The following NOS1AP variants were observed in gnomAD, a reference collection of about 807,000 sequenced individuals.
NOS1AP encodes the protein carboxyl-terminal PDZ ligand of neuronal nitric oxide synthase protein.
NOS1AP carries 21 observed loss-of-function variants against 56.2 expected under a neutral mutation model. The observed-to-expected ratio is 0.37, with a 90% CI of 0.26 to 0.54. NOS1AP has a LOEUF of 0.54. Ranked by LOEUF, NOS1AP falls within the 20% of genes least tolerant of loss-of-function variation. The pLI is 0.84. For synonymous variants in NOS1AP, 270 were observed against 274.6 expected (o/e 0.98, Z 0.17); for missense variants, 522 against 657.8 (o/e 0.79, Z 2.26).
chr1:162,256,876 C>T (rs1654046316), intron 2 of NOS1AP, among the ~76,000 whole-genome samples: 1 of 152,096 alleles, frequency 6.6e-6, no homozygotes, highest in Non-Finnish European at 1.5e-5. Flanking sequence ...GAATGTGTCC[C>T]TCATTAAGAA....
At chr1:162,160,872 G>C (rs1417608926) in intron 2 of NOS1AP, among the ~76,000 whole-genome samples, 1 of 152,156 alleles carries the variant, frequency 6.6e-6, no homozygotes, top group African/African-American at 2.4e-5. Flanking sequence ...AGTTCTGGAG[G>C]TCAGAGTCCA....
intron 9 of NOS1AP, 68 bp from the exon 10 acceptor site, chr1:162,366,973 GGGCGGGCAGAA>G: frequency 6.4e-7 from 1 of 1,559,908 alleles, no homozygotes; most frequent in Non-Finnish European, 8.8e-7. Flanking sequence ...GGCAGGGCAC[GGGCGGGCAGAA>G]GGCGGGCATC....
intron 4 of NOS1AP, among the ~76,000 whole-genome samples, chr1:162,330,368 A>G (rs1162771744): frequency 2.0e-5 from 3 of 152,332 alleles, no homozygotes; most frequent in African/African-American, 7.2e-5. Flanking sequence ...CAAGGAGCAC[A>G]TGTAAAAACA....
intron 1 of NOS1AP, among the ~76,000 whole-genome samples, chr1:162,152,390 G>T (rs1395322613): frequency 1.3e-5 from 2 of 152,216 alleles, no homozygotes; most frequent in African/African-American, 2.4e-5. Flanking sequence ...CATCAGCTGT[G>T]CAGTGTCAAG....
At position 162,248,166 on chromosome 1, in the gene NOS1AP, A is replaced by G. The variant is rs1042386511; in HGVS notation, c.178-39178A>G. On this transcript the variant is annotated intron_variant, in intron 2 of 9. Coordinates refer to ENST00000361897, the MANE Select transcript of NOS1AP (RefSeq NM_014697.3). ...AGACCTTTTTTGATATGGGTGTGGC[A>G]TTTTAGGTAACTAACAAACACCATG... Among the ~76,000 whole-genome samples, 21 of 152,158 alleles carry G rather than the reference A, an allele frequency of 1.4e-4. No homozygotes were observed. The East Asian group carries it at 3.7e-3, about 27-fold the overall frequency.
rs570951133 is a variant in NOS1AP, at chr1:162,184,956, A to G, written c.177+30480A>G. On this transcript the variant is annotated intron_variant, in intron 2 of 9. Coordinates refer to ENST00000361897, the MANE Select transcript of NOS1AP (RefSeq NM_014697.3). Reference sequence around the variant, plus strand: ...TAGTTGTGTACATCAGAAGTTCACTATGGGTCTCACTGGGCTAAAAATCAA... The same window carrying G: ...TAGTTGTGTACATCAGAAGTTCACTGTGGGTCTCACTGGGCTAAAAATCAA... Among the ~76,000 whole-genome samples, 25 of 152,346 alleles carry G rather than the reference A, an allele frequency of 1.6e-4. No individual in the cohort carries two copies. In the South Asian group the frequency reaches 4.1e-3, roughly 25 times the overall value.
At chr1:162,140,680 G>A (rs1349110001) in intron 1 of NOS1AP, among the ~76,000 whole-genome samples, 1 of 152,114 alleles carries the variant, frequency 6.6e-6, no homozygotes, top group East Asian at 1.9e-4. Context: ...GGGATTGCTG[G>A]CTCAAATGGT....
intron 4 of NOS1AP, among the ~76,000 whole-genome samples, chr1:162,310,296 G>A (rs1655984040): frequency 6.6e-6 from 1 of 152,184 alleles, no homozygotes; most frequent in African/African-American, 2.4e-5. Context: ...ATAAGTGATG[G>A]GGTGACATCT....
intron 2 of NOS1AP, among the ~76,000 whole-genome samples, chr1:162,215,995 G>A (rs902962426): frequency 6.6e-6 from 1 of 152,080 alleles, no homozygotes; most frequent in Admixed American, 6.5e-5. Flanking sequence ...TCCAGCTTCC[G>A]TGTGTGTTCA....
At chr1:162,153,818 T>C (rs1649814720) in intron 1 of NOS1AP, among the ~76,000 whole-genome samples, 1 of 152,230 alleles carries the variant, frequency 6.6e-6, no homozygotes, top group Non-Finnish European at 1.5e-5. Context: ...AGTAAGAAAG[T>C]ACTCATATTA....
intron 4 of NOS1AP, among the ~76,000 whole-genome samples, chr1:162,306,013 G>A (rs565710747): frequency 6.6e-6 from 1 of 152,286 alleles, no homozygotes; most frequent in Admixed American, 6.5e-5. Context: ...AGGGAAGCAG[G>A]ATGACTGTGA....
chr1:162,289,811 T>G (rs182620334), intron 3 of NOS1AP, among the ~76,000 whole-genome samples: 10 of 152,300 alleles, frequency 6.6e-5, no homozygotes, highest in African/African-American at 1.4e-4. Context: ...AAACACCTAC[T>G]GTCCTAGGGG....
intron 1 of NOS1AP, among the ~76,000 whole-genome samples, chr1:162,119,473 G>C (rs943482806): frequency 2.6e-5 from 4 of 152,030 alleles, no homozygotes; most frequent in African/African-American, 7.3e-5. Flanking sequence ...AATCTCTTTT[G>C]GGTTTACTCC....
At chr1:162,205,356 ATG>A (rs1471649865) in intron 2 of NOS1AP, among the ~76,000 whole-genome samples, 1 of 152,234 alleles carries the variant, frequency 6.6e-6, no homozygotes, top group African/African-American at 2.4e-5. Context: ...TGTTTAGCTA[ATG>A]GGGAGTGGAG....
At chr1:162,256,198 C>T (rs140531539) in intron 2 of NOS1AP, among the ~76,000 whole-genome samples, 29 of 151,962 alleles carry the variant, frequency 1.9e-4, no homozygotes, top group African/African-American at 6.0e-4. Flanking sequence ...GGTAAGCAGA[C>T]AGGGGACAGA....
intron 1 of NOS1AP, among the ~76,000 whole-genome samples, chr1:162,093,968 A>C (rs1480241403): frequency 6.6e-6 from 1 of 152,216 alleles, no homozygotes; most frequent in African/African-American, 2.4e-5. Flanking sequence ...ATTTTGACCA[A>C]GAAGATGGAT....
chr1:162,143,162 G>A (rs530284671), intron 1 of NOS1AP, among the ~76,000 whole-genome samples: 4 of 151,834 alleles, frequency 2.6e-5, no homozygotes, highest in African/African-American at 9.7e-5. Flanking sequence ...ATGAGGGGTG[G>A]CAGGTGGGGG....
At chr1:162,171,221 C>G (rs1017961162) in intron 2 of NOS1AP, among the ~76,000 whole-genome samples, 1 of 152,154 alleles carries the variant, frequency 6.6e-6, no homozygotes, top group Non-Finnish European at 1.5e-5. Flanking sequence ...CCTCATGCTC[C>G]TTTTCTGGGA....
chr1:162,106,633 T>C (rs1006015534), intron 1 of NOS1AP, among the ~76,000 whole-genome samples: 1 of 152,230 alleles, frequency 6.6e-6, no homozygotes, highest in African/African-American at 2.4e-5. Flanking sequence ...TGGCTTATAA[T>C]ACTATGAAAA....
Sources: gnomAD v4.1 joint callset for allele counts (sites outside exome capture counted in the v4.1 genomes callset) on GRCh38, gnomAD v4.1.1 for gene constraint, MANE v1.5 for transcripts, NCBI Gene and HGNC (gene_info 2026-07-23, HGNC 2026-07-21) for gene names.